Variants in BUB3 observed in about 807,000 individuals in gnomAD.
The protein encoded by BUB3 is mitotic checkpoint protein BUB3.
BUB3 carries 22 observed loss-of-function variants against 39.9 expected under a neutral mutation model. The observed-to-expected ratio is 0.55, with a 90% confidence interval of 0.39 to 0.79. The LOEUF (loss-of-function observed/expected upper bound fraction) is 0.79, where lower values mean the gene tolerates loss of function less well. Ranked by LOEUF, BUB3 falls within the 30% of genes least tolerant of loss-of-function variation. The probability of loss-of-function intolerance (pLI) is 0.00; values close to 1 mark genes in which losing one functional copy is unlikely to be tolerated. For synonymous variants in BUB3, 168 were observed against 155.1 expected (o/e 1.08, Z -0.62); for missense variants, 303 against 415.4 (o/e 0.73, Z 2.35).
Position 123,162,419 on chromosome 10 carries a change from G to A in BUB3, c.754+6G>A, listed in dbSNP as rs1844437079. 1 of 1,612,442 alleles carries A rather than the reference G, an allele frequency of 6.2e-7. No homozygotes were observed. The highest frequency in any genetic ancestry group is 1.1e-5 in the South Asian group (1 of 90,950). On this transcript the variant is annotated splice_donor_region_variant and intron_variant, in intron 6 of 7. Coordinates refer to ENST00000368865, the MANE Select transcript of BUB3 (RefSeq NM_004725.4). ...CCACAATACATTTGCCACAGGTAAA[G>A]TATGGCATGCTGACCTATATTTAAT...
intron 3 of BUB3, among the ~76,000 whole-genome samples, chr10:123,156,941 CA>C (rs1844357567): frequency 6.6e-6 from 1 of 152,036 alleles, no homozygotes; most frequent in East Asian, 1.9e-4. Flanking sequence ...GGCGGGGTTT[CA>C]CTGTGTTGTC....
In BUB3 at chr10:123,165,186, T is replaced by C. The variant is rs999661447; in HGVS notation, c.*1351T>C. ...TTCTGTCTTACAAGAAACTTGTCTA[T>C]GTACCTTAATACTTTGTTTAGGATG... On this transcript the variant is annotated 3_prime_UTR_variant, in exon 8 of 8. Coordinates refer to ENST00000368865, the MANE Select transcript of BUB3 (RefSeq NM_004725.4). 2.8e-6 allele frequency: 3 copies of C among 1,086,906 alleles called. No individual in the cohort carries two copies. Among genetic ancestry groups the C allele is most frequent in the Non-Finnish European group, 4.1e-6 (3 of 725,424 alleles). 67.3% of individuals were successfully genotyped at this position (1,086,906 alleles called of 1,614,324 possible). A position where few individuals can be genotyped will look rare whatever the true frequency, so the allele number is the denominator to read the frequency against.
At chr10:123,160,885 G>A (rs774783077) in intron 5 of BUB3, among the ~76,000 whole-genome samples, 20 of 152,042 alleles carry the variant, frequency 1.3e-4, no homozygotes, top group African/African-American at 1.2e-4. Context: ...ATCAAAGAGC[G>A]CTTTGCAGAT....
At position 123,164,749 on chromosome 10, in the gene BUB3, A is replaced by C. The variant is rs1589692180; in HGVS notation, c.*914A>C. On this transcript the variant is annotated 3_prime_UTR_variant, in exon 8 of 8. Coordinates refer to ENST00000368865, the MANE Select transcript of BUB3 (RefSeq NM_004725.4). ...GGTGATTAAAGTTAAAAAGAAAAAAATTATAGTGAGAATGAGATTCATTTC... is the reference window on the plus strand; with the variant it reads ...GGTGATTAAAGTTAAAAAGAAAAAACTTATAGTGAGAATGAGATTCATTTC... 1 of 1,121,790 alleles carries C rather than the reference A, an allele frequency of 8.9e-7. No homozygotes were observed. Among genetic ancestry groups the C allele is most frequent in the South Asian group, 4.0e-5 (1 of 25,138 alleles). The allele number at this position is 1,121,790 out of a possible 1,614,324, so 69.5% of individuals were successfully genotyped here. A position where few individuals can be genotyped will look rare whatever the true frequency, so the allele number is the denominator to read the frequency against.
chr10:123,162,014 T>A (rs1164865904), intron 5 of BUB3, among the ~76,000 whole-genome samples: 2 of 152,278 alleles, frequency 1.3e-5, no homozygotes, highest in African/African-American at 4.8e-5. Flanking sequence ...TTTATTGTAA[T>A]GTGCAAGGCC....
chr10:123,167,194 C>A lies in BUB3; in HGVS notation c.*3359C>A, dbSNP rs950889160. The A allele has an allele frequency of 6.6e-6, 1 of 152,226 alleles. No homozygotes were observed. The highest frequency in any genetic ancestry group is 1.5e-5 in the Non-Finnish European group (1 of 68,048). The allele number at this position is 152,226 out of a possible 1,614,324, so 9.4% of individuals were successfully genotyped here. On this transcript the variant is annotated 3_prime_UTR_variant, in exon 8 of 8. Transcript: ENST00000368865. ...AGAAAACACTGGGGTTCTTCTCTTA[C>A]GCTGAGAGCCAGGTTACTTTCTTCA...
At chr10:123,163,771 G>A in intron 7 of BUB3, 49 bp from the exon 8 acceptor site, 1 of 1,525,474 alleles carries the variant, frequency 6.6e-7, no homozygotes, top group Non-Finnish European at 9.1e-7. Context: ...TCCTGTCCTG[G>A]CTGGCCATTT....
intron 1 of BUB3, 30 bp from the exon 2 acceptor site, chr10:123,154,888 C>T: frequency 6.3e-7 from 1 of 1,588,912 alleles, no homozygotes. Flanking sequence ...CCCGCGGGAC[C>T]CCTGGGGACT....
Position 123,164,610 on chromosome 10 carries a change from C to T in BUB3, c.*775C>T. 2.0e-6 allele frequency: 2 copies of T among 989,398 alleles called. No homozygotes were observed. The highest frequency in any genetic ancestry group is 2.4e-6 in the Non-Finnish European group (2 of 832,600). 61.3% of individuals were successfully genotyped at this position (989,398 alleles called of 1,614,324 possible). On this transcript the variant is annotated 3_prime_UTR_variant, in exon 8 of 8. Transcript: ENST00000368865. ...CGTAATTGCAGTGCATTTAGACAGG[C>T]ATCTATTTGGACCTGTTTCTATCTC...
chr10:123,155,834 T>G, intron 3 of BUB3, 107 bp downstream of exon 3: 1 of 999,462 alleles, frequency 1.0e-6, no homozygotes, highest in East Asian at 2.5e-5. Context: ...CTAAGTTGCT[T>G]AAGTACAGGT....
chr10:123,157,823 T>G lies in BUB3; in HGVS notation c.360T>G (p.Val120=). The G allele has an allele frequency of 6.2e-7, 1 of 1,614,136 alleles. No homozygotes were observed. Among genetic ancestry groups the G allele is most frequent in the South Asian group, 1.1e-5 (1 of 91,078 alleles). ...VMVTGSWDQT[V]KLWDPRTPCN... ...TCACTGGAAGTTGGGATCAGACAGT[T>G]AAACTGTGGGATCCCAGAACTCCTT... Residue 120 remains valine (V), a synonymous_variant, in exon 4 of 8, where the codon GTT becomes GTG. Coordinates refer to ENST00000368865, the MANE Select transcript of BUB3 (RefSeq NM_004725.4).
At chr10:123,157,592 A>G in intron 3 of BUB3, 137 bp from the exon 4 acceptor site, 1 of 962,756 alleles carries the variant, frequency 1.0e-6, no homozygotes, top group South Asian at 2.0e-5. Flanking sequence ...TGTCTGTAGT[A>G]GACATTTCCA....
chr10:123,164,812 G>A lies in BUB3; in HGVS notation c.*977G>A. 7.8e-7 allele frequency: 1 copy of A among 1,276,834 alleles called. No individual in the cohort carries two copies. Among genetic ancestry groups the A allele is most frequent in the Non-Finnish European group, 9.9e-7 (1 of 1,010,732 alleles). The allele number at this position is 1,276,834 out of a possible 1,614,324, so 79.1% of individuals were successfully genotyped here. ...TAAAGCAGAACACGAACTTAGCTTG[G>A]CCTATTCTAGGTAGTTCCAAATAGT... On this transcript the variant is annotated 3_prime_UTR_variant, in exon 8 of 8. Coordinates refer to ENST00000368865, the MANE Select transcript of BUB3 (RefSeq NM_004725.4).
intron 4 of BUB3, among the ~76,000 whole-genome samples, chr10:123,158,787 CAT>C (rs1844383115): frequency 6.6e-6 from 1 of 152,208 alleles, no homozygotes; most frequent in Admixed American, 6.5e-5. Context: ...GACAGAATAT[CAT>C]ATAATGGACA....
Position 123,165,172 on chromosome 10 carries a change from A to C in BUB3, c.*1337A>C, listed in dbSNP as rs1396136009. On this transcript the variant is annotated 3_prime_UTR_variant, in exon 8 of 8. Transcript: ENST00000368865. ...TGGATTTCTCTGTTTTCTGTCTTACAAGAAACTTGTCTATGTACCTTAATA... is the reference window on the plus strand; with the variant it reads ...TGGATTTCTCTGTTTTCTGTCTTACCAGAAACTTGTCTATGTACCTTAATA... 3 of 1,277,960 alleles carry C rather than the reference A, an allele frequency of 2.3e-6. No homozygotes were observed. Among genetic ancestry groups the C allele is most frequent in the Non-Finnish European group, 3.4e-6 (3 of 889,870 alleles). The allele number at this position is 1,277,960 out of a possible 1,614,324, so 79.2% of individuals were successfully genotyped here.
intron 5 of BUB3, among the ~76,000 whole-genome samples, chr10:123,160,823 T>A (rs957710149): frequency 2.0e-5 from 3 of 152,066 alleles, no homozygotes; most frequent in African/African-American, 7.2e-5. Context: ...ATAGAGGAGG[T>A]TTTCTGACCT....
chr10:123,164,753 T>C lies in BUB3; in HGVS notation c.*918T>C. ...ATTAAAGTTAAAAAGAAAAAAATTATAGTGAGAATGAGATTCATTTCAATG... is the reference window on the plus strand; with the variant it reads ...ATTAAAGTTAAAAAGAAAAAAATTACAGTGAGAATGAGATTCATTTCAATG... On this transcript the variant is annotated 3_prime_UTR_variant, in exon 8 of 8. Transcript: ENST00000368865. 3 of 1,130,638 alleles carry C rather than the reference T, an allele frequency of 2.7e-6. No individual in the cohort carries two copies. Among genetic ancestry groups the C allele is most frequent in the Non-Finnish European group, 3.2e-6 (3 of 923,770 alleles). 70.0% of individuals were successfully genotyped at this position (1,130,638 alleles called of 1,614,324 possible).
At chr10:123,154,643 G>C (rs1844321579) in intron 1 of BUB3, among the ~76,000 whole-genome samples, 158 bp downstream of exon 1, 1 of 152,144 alleles carries the variant, frequency 6.6e-6, no homozygotes, top group Non-Finnish European at 1.5e-5. Context: ...CCCGGGAGAG[G>C]GGAAAGGGAA....
In BUB3 at chr10:123,167,895, T is replaced by C. The variant is rs992711413; in HGVS notation, c.*4060T>C. 1 of 152,216 alleles carries C rather than the reference T, an allele frequency of 6.6e-6. No homozygotes were observed. The highest frequency in any genetic ancestry group is 1.5e-5 in the Non-Finnish European group (1 of 68,040). The allele number at this position is 152,216 out of a possible 1,614,324, so 9.4% of individuals were successfully genotyped here. A position where few individuals can be genotyped will look rare whatever the true frequency, so the allele number is the denominator to read the frequency against. On this transcript the variant is annotated 3_prime_UTR_variant, in exon 8 of 8. Transcript: ENST00000368865. ...TTACTAAACATCTCCATCACCTTGTTAAATTGAGTTAAACAAATTTACAAG... is the reference window on the plus strand; with the variant it reads ...TTACTAAACATCTCCATCACCTTGTCAAATTGAGTTAAACAAATTTACAAG...
Sources: allele counts gnomAD v4.1 joint callset (sites outside exome capture counted in the v4.1 genomes callset), GRCh38; gene constraint gnomAD v4.1.1; transcripts MANE v1.5; gene names NCBI Gene and HGNC (gene_info 2026-07-23, HGNC 2026-07-21).